INTS1: variants seen among roughly 807,000 people sequenced by gnomAD.
The protein encoded by INTS1 is integrator complex subunit 1.
Under a neutral mutation model 241.6 loss-of-function variants are expected in INTS1, and 137 were observed. The observed-to-expected ratio is 0.57, with a 90% confidence interval of 0.49 to 0.65. The LOEUF is 0.65. Among genes scored for constraint, INTS1 ranks in the 30% least tolerant of loss-of-function variants. INTS1 has a pLI of 0.00. For missense variants in INTS1, 3,073 were observed against 3,032.2 expected, an observed-to-expected ratio of 1.01 and a Z score of -0.32; for synonymous variants, 1,692 against 1,337.8, an observed-to-expected ratio of 1.26 and a Z score of -5.78.
At chr7:1,499,210 C>CCGCCCCCG (rs775812146) in intron 7 of INTS1, 45 bp downstream of exon 7, 1 of 1,603,422 alleles carries the variant, frequency 6.2e-7, no homozygotes, top group South Asian at 1.1e-5. Flanking sequence ...CCCGAGGCGC[C>CCGCCCCCG]CGCCCCCGCC....
At chr7:1,499,831 GCCC>G (rs1783068714) in intron 5 of INTS1, 50 bp downstream of exon 5, 1 of 1,578,656 alleles carries the variant, frequency 6.3e-7, no homozygotes, top group Admixed American at 1.7e-5. Context: ...TCTCGCCCCT[GCCC>G]CACCCCGTGG....
chr7:1,472,254 G>T lies in INTS1; in HGVS notation c.6184+19C>A. On this transcript the variant is annotated intron_variant, in intron 44 of 47. Transcript: ENST00000404767. ...CCCAGGGCGCTGACCTGGCGTGGGT[G>T]AAGCAGGGCCTGACTCACCCTCCAC... 1 of 1,532,532 alleles carries T rather than the reference G, an allele frequency of 6.5e-7. No homozygotes were observed. The highest frequency in any genetic ancestry group is 1.2e-5 in the South Asian group (1 of 83,746). 94.9% of individuals were successfully genotyped at this position (1,532,532 alleles called of 1,614,324 possible).
intron 8 of INTS1, 26 bp downstream of exon 8, chr7:1,498,949 C>A (rs749195665): frequency 7.0e-7 from 1 of 1,421,174 alleles, no homozygotes; most frequent in Non-Finnish European, 9.5e-7. Context: ...CCCTGCCCCG[C>A]CCACCCCCCC....
At chr7:1,474,959 T>C in intron 39 of INTS1, 121 bp from the exon 40 acceptor site, 2 of 1,335,126 alleles carry the variant, frequency 1.5e-6, no homozygotes, top group Non-Finnish European at 2.0e-6. Flanking sequence ...GCAGAGGAAC[T>C]GGCTCCTTAC....
chr7:1,487,393 T>C lies in INTS1; in HGVS notation c.2573A>G (p.Gln858Arg). The C allele has an allele frequency of 6.2e-7, 1 of 1,611,970 alleles. No individual in the cohort carries two copies. Among genetic ancestry groups the C allele is most frequent in the Non-Finnish European group, 8.5e-7 (1 of 1,179,414 alleles). The change falls in exon 20 of 48, where the codon CAG (glutamine) becomes CGG (arginine). Residue 858 changes from glutamine (Q) to arginine (R), a missense_variant. Coordinates refer to ENST00000404767, the MANE Select transcript of INTS1 (RefSeq NM_001080453.3). The part of the protein sequence containing the change: ...HILDQVKSLN[Q>R]SLRLGHLLCR... The stretch of plus-strand genomic sequence containing the variant: ...CAAGAGGTGCCCGAGGCGGAGGGAC[T>C]GGTTGAGGCTTTTCACTTGATCCAG...
At chr7:1,490,226 C>T (rs555760809) in intron 16 of INTS1, among the ~76,000 whole-genome samples, 1 of 152,344 alleles carries the variant, frequency 6.6e-6, no homozygotes, top group East Asian at 1.9e-4. Flanking sequence ...AGAGAGCACG[C>T]GAGGCTCAAG....
chr7:1,474,272 G>C lies in INTS1; in HGVS notation c.5725C>G (p.Leu1909Val), dbSNP rs775110300. 3 of 1,608,510 alleles carry C rather than the reference G, an allele frequency of 1.9e-6. No homozygotes were observed. The highest frequency in any genetic ancestry group is 4.5e-5 in the East Asian group (2 of 44,768). ...AGCTCCAGCAGGCCCAGCACGTGCA[G>C]GAAGCAGCTCAGGTGGTTCTGCTGC... ...FRQQNHLSCF[L>V]HVLGLLELLQ... The change falls in exon 41 of 48, where the codon CTG (leucine) becomes GTG (valine). Residue 1909 changes from leucine (L) to valine (V), a missense_variant. Transcript: ENST00000404767.
rs565827206 is a variant in INTS1, at chr7:1,483,218, G to C, written c.3542-511C>G. 34 of 215,392 alleles carry C rather than the reference G, an allele frequency of 1.6e-4. No homozygotes were observed. The South Asian group carries it at 2.6e-3, about 16-fold the overall frequency. 13.3% of individuals were successfully genotyped at this position (215,392 alleles called of 1,614,324 possible). The stretch of plus-strand genomic sequence containing the variant: ...CCCCCACTGACAGACACAACGGGGT[G>C]AACGTGGGAGCAGTTCATGGTGTCA... On this transcript the variant is annotated intron_variant, in intron 26 of 47. Transcript: ENST00000404767.
At chr7:1,485,892 C>G (rs925119247) in intron 22 of INTS1, among the ~76,000 whole-genome samples, 1 of 152,228 alleles carries the variant, frequency 6.6e-6, no homozygotes, top group African/African-American at 2.4e-5. Context: ...ACTACAGCCT[C>G]AAGTGATTCT....
rs372013970 is a variant in INTS1 at position 1,499,101 on chromosome 7, C to T, written c.1011G>A (p.Leu337=). 3 of 1,611,004 alleles carry T rather than the reference C, an allele frequency of 1.9e-6. No individual in the cohort carries two copies. The highest frequency in any genetic ancestry group is 1.1e-5 in the South Asian group (1 of 90,848). ...CGTTGTCGATGGGCTGGCGCCGGTT[C>T]AGCTGGTCCCGCAGCATGTCCAGGA... ...EYVLDMLRDQ[L]NRRQPIDNVS... Residue 337 remains leucine (L), a synonymous_variant, in exon 8 of 48, where the codon CTG becomes CTA. Coordinates refer to ENST00000404767, the MANE Select transcript of INTS1 (RefSeq NM_001080453.3).
chr7:1,472,415 G>A (rs1237663920), intron 43 of INTS1, 29 bp from the exon 44 acceptor site: 2 of 1,466,836 alleles, frequency 1.4e-6, no homozygotes, highest in South Asian at 1.3e-5. Flanking sequence ...GCTGCAGGAG[G>A]GCGGGAGCGG....
In INTS1 at chr7:1,504,340, C is replaced by T. The variant is rs1405795699; in HGVS notation, c.-59G>A. 4 of 516,196 alleles carry T rather than the reference C, an allele frequency of 7.7e-6. No homozygotes were observed. Among genetic ancestry groups the T allele is most frequent in the Admixed American group, 6.6e-5 (3 of 45,118 alleles). The allele number at this position is 516,196 out of a possible 1,614,324, so 32.0% of individuals were successfully genotyped here. A position where few individuals can be genotyped will look rare whatever the true frequency, so the allele number is the denominator to read the frequency against. ...TCACTTACCTCTGGCCCATCGCGAC[C>T]GGAGCGCCGCCGCCGCCACCCGGCC... On this transcript the variant is annotated 5_prime_UTR_variant, in exon 1 of 48. Coordinates refer to ENST00000404767, the MANE Select transcript of INTS1 (RefSeq NM_001080453.3).
chr7:1,492,999 C>T lies in INTS1; in HGVS notation c.2165+11G>A, dbSNP rs372689376. Reference sequence around the variant, plus strand: ...ACCCGGGCGGGAGTGGGGAGCGGGGCGTGGGCTTACCCCGGTGGGAGCTGG... The same window carrying T: ...ACCCGGGCGGGAGTGGGGAGCGGGGTGTGGGCTTACCCCGGTGGGAGCTGG... On this transcript the variant is annotated intron_variant, in intron 16 of 47. Coordinates refer to ENST00000404767, the MANE Select transcript of INTS1 (RefSeq NM_001080453.3). The T allele has an allele frequency of 5.0e-6, 8 of 1,606,238 alleles. 1 individual carries two copies. In the Admixed American group the frequency reaches 6.7e-5, roughly 13 times the overall value.
intron 32 of INTS1, 58 bp downstream of exon 32, chr7:1,478,668 C>T: frequency 6.7e-7 from 1 of 1,498,836 alleles, no homozygotes; most frequent in Non-Finnish European, 8.9e-7. Flanking sequence ...CTTGGCCACT[C>T]TGAGTGAGCC....
In INTS1 at chr7:1,487,830, C is replaced by T. The variant is rs1327206795; in HGVS notation, c.2446G>A (p.Ala816Thr). 3 of 1,613,120 alleles carry T rather than the reference C, an allele frequency of 1.9e-6. No individual in the cohort carries two copies. Among genetic ancestry groups the T allele is most frequent in the Admixed American group, 1.7e-5 (1 of 60,028 alleles). Residue 816 changes from alanine to threonine, a missense_variant, in exon 19 of 48, where the codon GCG (alanine) becomes ACG (threonine). By Grantham distance (58) the Ala-to-Thr change is moderately conservative. Transcript: ENST00000404767. The part of the protein sequence containing the change: ...ILAFEGHLAA[A>T]STKQTITESS... ...TCAGTGATGGTCTGCTTGGTGGACG[C>T]GGCCGCCAGGTGCCCCTCGAAGGCC...
chr7:1,490,848 C>T (rs1420545706), intron 16 of INTS1, among the ~76,000 whole-genome samples: 5 of 152,234 alleles, frequency 3.3e-5, no homozygotes, highest in African/African-American at 4.8e-5. Flanking sequence ...GACACATAGA[C>T]GGACAGAACA....
intron 2 of INTS1, 54 bp downstream of exon 2, chr7:1,503,849 A>ACCCCCAAAGT: frequency 4.9e-5 from 59 of 1,193,066 alleles, no homozygotes; most frequent in Non-Finnish European, 6.1e-5. Context: ...ATCCCCAAAG[A>ACCCCCAAAGT]CCCCCAAAGA....
chr7:1,498,005 G>A (rs953607965), intron 10 of INTS1, among the ~76,000 whole-genome samples: 1 of 152,224 alleles, frequency 6.6e-6, no homozygotes, highest in African/African-American at 2.4e-5. Flanking sequence ...CTTGAGCCCA[G>A]GAGTTTGAGA....
intron 45 of INTS1, 95 bp from the exon 46 acceptor site, chr7:1,471,319 G>A (rs991694465): frequency 7.9e-5 from 102 of 1,298,246 alleles, no homozygotes; most frequent in Non-Finnish European, 1.1e-4. Flanking sequence ...GGCGGCAACG[G>A]CAGGGACCCT....
Sources: gnomAD v4.1 joint callset for allele counts (sites outside exome capture counted in the v4.1 genomes callset) on GRCh38, gnomAD v4.1.1 for gene constraint, MANE v1.5 for transcripts, NCBI Gene and HGNC (gene_info 2026-07-23, HGNC 2026-07-21) for gene names.